Variants in ZNF44 observed in about 807,000 individuals in gnomAD.
ZNF44 encodes the protein zinc finger protein 44.
Under a neutral mutation model 11.7 loss-of-function variants are expected in ZNF44, and 9 were observed. The observed-to-expected ratio is 0.77, with a 90% CI of 0.46 to 1.35. The LOEUF (loss-of-function observed/expected upper bound fraction) is 1.35, where lower values mean the gene tolerates loss of function less well. Ranked by LOEUF, ZNF44 falls within the 40% of genes most tolerant of loss-of-function variation. ZNF44 has a pLI of 0.00. For synonymous variants in ZNF44, 224 were observed against 242.7 expected (o/e 0.92, Z 0.72); for missense variants, 696 against 743.1 (o/e 0.94, Z 0.74).
In ZNF44 at chr19:12,272,927, T is replaced by G; in HGVS notation, c.1328A>C (p.His443Pro). 1 of 1,614,136 alleles carries G rather than the reference T, an allele frequency of 6.2e-7. No individual in the cohort carries two copies. Among genetic ancestry groups the G allele is most frequent in the Non-Finnish European group, 8.5e-7 (1 of 1,180,020 alleles). The change falls in exon 4 of 4, where the codon CAC becomes CCC. Residue 443 changes from histidine (H) to proline (P), a missense_variant. By Grantham distance (77) the His-to-Pro change is moderately conservative (BLOSUM62 -2). Coordinates refer to ENST00000355684, the MANE Select transcript of ZNF44 (RefSeq NM_016264.4). ...ACATTTATAGGGTTGCTCTCCAGTG[T>G]GTGTTGTTTCATGTTTTCGAAGGGA... ...SSSLRKHETT[H>P]TGEQPYKCKC...
At chr19:12,241,922 T>C (rs994259672), upstream of ZNF44, among the ~76,000 whole-genome samples, 2 of 152,104 alleles carry the variant, frequency 1.3e-5, no homozygotes, top group African/African-American at 4.8e-5. Context: ...AACATTATGC[T>C]AAGTGAAATA....
intron 2 of ZNF44, among the ~76,000 whole-genome samples, chr19:12,232,241 AC>A (rs1916192380): frequency 6.6e-6 from 1 of 152,234 alleles, no homozygotes; most frequent in Admixed American, 6.5e-5. Context: ...AGTAGCTAGA[AC>A]GTACAATCGG....
chr19:12,271,494 G>A (rs1966946905), downstream of ZNF44, among the ~76,000 whole-genome samples: 1 of 152,160 alleles, frequency 6.6e-6, no homozygotes, highest in African/African-American at 2.4e-5. Flanking sequence ...AAGTTAGCCT[G>A]AGGTCTCACT....
intron 5 of ZNF44, among the ~76,000 whole-genome samples, chr19:12,255,302 A>G (rs1917201202): frequency 6.6e-6 from 1 of 152,192 alleles, no homozygotes; most frequent in African/African-American, 2.4e-5. Flanking sequence ...ATTTTTTCAA[A>G]TAGTGAAACT....
chr19:12,240,956 T>C (rs988216632), upstream of ZNF44, among the ~76,000 whole-genome samples: 1 of 152,152 alleles, frequency 6.6e-6, no homozygotes, highest in African/African-American at 2.4e-5. Flanking sequence ...TTTAAAACTT[T>C]TGTGCACCAA....
intron 5 of ZNF44, chr19:12,260,223 G>A: frequency 1.4e-5 from 11 of 785,782 alleles, no homozygotes; most frequent in Non-Finnish European, 2.5e-5. Flanking sequence ...GTAACTTGAA[G>A]GCCCCAGCTC....
intron 5 of ZNF44, among the ~76,000 whole-genome samples, chr19:12,255,277 A>G (rs1599504227): frequency 6.6e-6 from 1 of 152,228 alleles, no homozygotes; most frequent in Admixed American, 6.5e-5. Context: ...AACCATAGTA[A>G]GCAAAAGAAA....
intron 1 of ZNF44, chr19:12,290,918 AC>A (rs1967984009): frequency 5.6e-6 from 1 of 178,320 alleles, no homozygotes; most frequent in South Asian, 1.0e-4. Flanking sequence ...CCATTTGCTT[AC>A]CCTTTCATGC....
At chr19:12,227,188 A>G (rs573046153) in intron 3 of ZNF44, among the ~76,000 whole-genome samples, 1 of 152,358 alleles carries the variant, frequency 6.6e-6, no homozygotes, top group Admixed American at 6.5e-5. Context: ...CTCTATTGTG[A>G]TATCACAATT....
intron 2 of ZNF44, among the ~76,000 whole-genome samples, chr19:12,233,164 A>G (rs1916230561): frequency 6.6e-6 from 1 of 152,152 alleles, no homozygotes; most frequent in African/African-American, 2.4e-5. Context: ...GGCTGGGAAG[A>G]TGCCAGCCCT....
At chr19:12,227,223 C>T (rs1281447981) in intron 3 of ZNF44, among the ~76,000 whole-genome samples, 1 of 152,210 alleles carries the variant, frequency 6.6e-6, no homozygotes, top group Non-Finnish European at 1.5e-5. Context: ...TTCAAGGGCA[C>T]CTGTTAGACC....
At chr19:12,263,731 C>T (rs1917615573) in intron 5 of ZNF44, among the ~76,000 whole-genome samples, 1 of 151,854 alleles carries the variant, frequency 6.6e-6, no homozygotes, top group Non-Finnish European at 1.5e-5. Context: ...CGAGACCATC[C>T]TGGCTAACAT....
downstream of ZNF44, among the ~76,000 whole-genome samples, chr19:12,271,256 A>G (rs577478153): frequency 1.3e-5 from 2 of 152,226 alleles, no homozygotes; most frequent in Non-Finnish European, 2.9e-5. Flanking sequence ...ATGCTAATGA[A>G]CACTAAGGTT....
intron 1 of ZNF44, among the ~76,000 whole-genome samples, chr19:12,288,051 A>G (rs1317588611): frequency 6.6e-6 from 1 of 152,228 alleles, no homozygotes; most frequent in African/African-American, 2.4e-5. Context: ...CAATTCTCCA[A>G]GAAAAACTGG....
At chr19:12,266,426 A>T (rs1037835800) in intron 5 of ZNF44, 2 of 795,506 alleles carry the variant, frequency 2.5e-6, no homozygotes, top group Admixed American at 1.2e-4. Flanking sequence ...AGGGAAAAAA[A>T]ACCCAAACCC....
chr19:12,272,804 G>A lies in ZNF44; in HGVS notation c.1451C>T (p.Ala484Val), dbSNP rs1319043196. The change falls in exon 4 of 4, where the codon GCA becomes GTA. Residue 484 changes from alanine (A) to valine (V), a missense_variant. Physicochemically the swap from Ala to Val is moderately conservative, Grantham distance 64. Transcript: ENST00000355684. Reference sequence around the variant, plus strand: ...ACAAAAGTATTTAAAAGAACTAAATGCTTTCCCACACTCCTTACATTCATA... The same window carrying A: ...ACAAAAGTATTTAAAAGAACTAAATACTTTCCCACACTCCTTACATTCATA... ...EPYECKECGK[A>V]FSSFKYFCRH... 1 of 1,613,714 alleles carries A rather than the reference G, an allele frequency of 6.2e-7. No individual in the cohort carries two copies. The highest frequency in any genetic ancestry group is 1.3e-5 in the African/African-American group (1 of 74,860).
chr19:12,245,841 G>GA (rs1045271110), downstream of ZNF44, among the ~76,000 whole-genome samples: 2 of 151,960 alleles, frequency 1.3e-5, no homozygotes, highest in African/African-American at 4.8e-5. Context: ...TGAAAGCTGG[G>GA]AGGCAGAACT....
chr19:12,254,006 G>A lies in ZNF44; in HGVS notation c.1913-3638C>T, dbSNP rs200028252. Reference sequence around the variant, plus strand: ...AAAAGGAAAAAATAAGAAGGACACAGGTGAACTGAATAGCACCAAACAATA... The same window carrying A: ...AAAAGGAAAAAATAAGAAGGACACAAGTGAACTGAATAGCACCAAACAATA... On this transcript the variant is annotated intron_variant and NMD_transcript_variant, in intron 5 of 7. Coordinates refer to the ZNF44 transcript ENST00000393337. Among the ~76,000 whole-genome samples, 7 of 151,856 alleles carry A rather than the reference G, an allele frequency of 4.6e-5. No homozygotes were observed. The East Asian group carries it at 1.4e-3, about 29-fold the overall frequency.
chr19:12,275,612 C>T (rs932400602), intron 2 of ZNF44, among the ~76,000 whole-genome samples: 3 of 152,002 alleles, frequency 2.0e-5, no homozygotes, highest in Non-Finnish European at 4.4e-5. Context: ...AGCCACTGCA[C>T]TCCAGCCTGG....
Sources: gnomAD v4.1 joint callset for allele counts (sites outside exome capture counted in the v4.1 genomes callset) on GRCh38, gnomAD v4.1.1 for gene constraint, MANE v1.5 for transcripts, NCBI Gene and HGNC (gene_info 2026-07-23, HGNC 2026-07-21) for gene names.